Variants in LRRC7 observed in about 807,000 individuals in gnomAD.
The protein encoded by LRRC7 is leucine-rich repeat-containing protein 7.
A neutral mutation model predicts 175.7 loss-of-function variants in LRRC7; 23 were observed. The observed-to-expected ratio is 0.13, with a 90% confidence interval of 0.09 to 0.19. The LOEUF (loss-of-function observed/expected upper bound fraction) is 0.19. Among genes scored for constraint, LRRC7 ranks in the 10% least tolerant of loss-of-function variants. The pLI is 1.00. For synonymous variants in LRRC7, 685 were observed against 680.9 expected (o/e 1.01, Z -0.09); for missense variants, 1,354 against 1,904.7 (o/e 0.71, Z 5.38).
intron 7 of LRRC7, among the ~76,000 whole-genome samples, chr1:69,882,135 C>A (rs1686684099): frequency 6.6e-6 from 1 of 151,692 alleles, no homozygotes; most frequent in African/African-American, 2.4e-5. Flanking sequence ...AGATGTTCAA[C>A]ATCACTAATC....
intron 3 of LRRC7, among the ~76,000 whole-genome samples, chr1:69,762,105 A>G (rs1330423776): frequency 6.6e-6 from 1 of 152,006 alleles, no homozygotes; most frequent in Non-Finnish European, 1.5e-5. Flanking sequence ...TTTTATTTAC[A>G]TGATGTTCAA....
rs914642385 is a variant in LRRC7 at position 70,131,721 on chromosome 1, A to T, written c.*9834A>T. ...CACCATTGCTGTCTTTGATAGCATG[A>T]TGCCTCAAACTCTCCAGGGGCCTAC... On this transcript the variant is annotated 3_prime_UTR_variant, in exon 27 of 27. Transcript: ENST00000651989. 6.6e-6 allele frequency among the ~76,000 whole-genome samples: 1 copy of T among 152,202 alleles called. No individual in the cohort carries two copies. Among genetic ancestry groups the T allele is most frequent in the Non-Finnish European group, 1.5e-5 (1 of 68,036 alleles).
intron 1 of LRRC7, among the ~76,000 whole-genome samples, chr1:69,631,544 G>A (rs1011439271): frequency 6.6e-6 from 1 of 152,020 alleles, no homozygotes; most frequent in Admixed American, 6.6e-5. Flanking sequence ...ATTATGGCCA[G>A]GGCCCCAGGG....
chr1:69,664,589 G>T (rs1329931206), intron 1 of LRRC7, among the ~76,000 whole-genome samples: 1 of 152,008 alleles, frequency 6.6e-6, no homozygotes, highest in Admixed American at 6.6e-5. Context: ...ATAATTATTT[G>T]CCTTTTGTAT....
chr1:70,014,986 G>A (rs1571017296), intron 13 of LRRC7, among the ~76,000 whole-genome samples: 1 of 152,020 alleles, frequency 6.6e-6, no homozygotes, highest in East Asian at 1.9e-4. Flanking sequence ...TGTAATTTCA[G>A]TGCAGCAGAA....
intron 1 of LRRC7, among the ~76,000 whole-genome samples, chr1:69,578,441 G>A (rs1646050382): frequency 2.1e-5 from 3 of 145,586 alleles, no homozygotes; most frequent in Non-Finnish European, 4.5e-5. Context: ...CCCATTACTG[G>A]GTATATACCC....
intron 7 of LRRC7, among the ~76,000 whole-genome samples, chr1:69,907,458 T>G (rs1208124757): frequency 6.6e-6 from 1 of 151,954 alleles, no homozygotes; most frequent in African/African-American, 2.4e-5. Context: ...TTATTGAGAG[T>G]TTTTAGCATG....
chr1:69,838,731 A>G (rs944619048), intron 7 of LRRC7, among the ~76,000 whole-genome samples: 2 of 151,924 alleles, frequency 1.3e-5, no homozygotes, highest in African/African-American at 2.4e-5. Context: ...AAGAGATCGT[A>G]AAGTGGTTTA....
chr1:69,731,542 T>G (rs1432720864), intron 2 of LRRC7, among the ~76,000 whole-genome samples: 1 of 152,194 alleles, frequency 6.6e-6, no homozygotes, highest in Non-Finnish European at 1.5e-5. Context: ...TGGAGGATGC[T>G]AACAGGAAAT....
intron 18 of LRRC7, among the ~76,000 whole-genome samples, chr1:70,029,496 G>GAA (rs59882156): frequency 6.6e-6 from 1 of 151,428 alleles, no homozygotes; most frequent in African/African-American, 2.4e-5. Flanking sequence ...ATTTCTAAGG[G>GAA]AAAAAAAATT....
intron 24 of LRRC7, among the ~76,000 whole-genome samples, chr1:70,081,809 C>T (rs1168997767): frequency 6.6e-6 from 1 of 152,176 alleles, no homozygotes; most frequent in African/African-American, 2.4e-5. Flanking sequence ...CAACCTAACA[C>T]ATCAGAATAG....
intron 8 of LRRC7, among the ~76,000 whole-genome samples, chr1:69,939,880 ATACTT>A (rs904865738): frequency 1.1e-4 from 16 of 152,242 alleles, no homozygotes; most frequent in South Asian, 4.1e-4. Flanking sequence ...GGTAGAGAAA[ATACTT>A]TAATTTGTCT....
chr1:69,922,750 C>T (rs937567018), intron 7 of LRRC7, among the ~76,000 whole-genome samples: 3 of 151,838 alleles, frequency 2.0e-5, no homozygotes, highest in Non-Finnish European at 4.4e-5. Flanking sequence ...CGGCTTTTGT[C>T]GCAATTGGTC....
At chr1:69,736,309 T>G (rs1484342294) in intron 2 of LRRC7, among the ~76,000 whole-genome samples, 2 of 152,100 alleles carry the variant, frequency 1.3e-5, no homozygotes, top group African/African-American at 4.8e-5. Context: ...GGTTTAAAAT[T>G]TTAACATTTG....
chr1:70,139,619 C>T lies in LRRC7; in HGVS notation c.*17732C>T, dbSNP rs940302216. The T allele has an allele frequency of 1.3e-5, 2 of 152,166 alleles. No individual in the cohort carries two copies. The highest frequency in any genetic ancestry group is 2.9e-5 in the Non-Finnish European group (2 of 68,020). The allele number at this position is 152,166 out of a possible 1,614,324, so 9.4% of individuals were successfully genotyped here. A position where few individuals can be genotyped will look rare whatever the true frequency, so the allele number is the denominator to read the frequency against. ...TGTGCCATTACTATTTGAAAACTAG[C>T]TCTGCAGGAAGGGTTAAATCAAATC... On this transcript the variant is annotated 3_prime_UTR_variant, in exon 27 of 27. Transcript: ENST00000651989.
At chr1:69,886,361 C>G (rs1391369269) in intron 7 of LRRC7, among the ~76,000 whole-genome samples, 1 of 150,240 alleles carries the variant, frequency 6.7e-6, no homozygotes, top group Non-Finnish European at 1.5e-5. Context: ...GATCCCTTTA[C>G]CATTATGTAA....
chr1:70,105,634 C>A (rs1558073048), intron 25 of LRRC7, among the ~76,000 whole-genome samples: 1 of 152,268 alleles, frequency 6.6e-6, no homozygotes, highest in East Asian at 1.9e-4. Flanking sequence ...ACATATCATT[C>A]TACTGTATGG....
chr1:69,982,547 A>C (rs1347928718), intron 9 of LRRC7, among the ~76,000 whole-genome samples: 1 of 152,226 alleles, frequency 6.6e-6, no homozygotes, highest in East Asian at 1.9e-4. Context: ...TAAAGTTAAT[A>C]TACTTTGTGA....
At chr1:69,838,381 T>C (rs1329809607) in intron 7 of LRRC7, 98 bp downstream of exon 7, 2 of 941,134 alleles carry the variant, frequency 2.1e-6, no homozygotes, top group Non-Finnish European at 3.4e-6. Context: ...GCACTTTGAG[T>C]TAATTTATCT....
Sources: allele counts gnomAD v4.1 joint callset (sites outside exome capture counted in the v4.1 genomes callset), GRCh38; gene constraint gnomAD v4.1.1; transcripts MANE v1.5; gene names NCBI Gene and HGNC (gene_info 2026-07-23, HGNC 2026-07-21).